Variants in KDM7A observed in about 807,000 individuals in gnomAD.
The protein encoded by KDM7A is lysine demethylase 7A.
Under a neutral mutation model 114.8 loss-of-function variants are expected in KDM7A, and 28 were observed. The observed-to-expected ratio is 0.24, with a 90% CI of 0.18 to 0.33. KDM7A has a LOEUF of 0.33. Among genes scored for constraint, KDM7A ranks in the 10% least tolerant of loss-of-function variants. The pLI, the probability that KDM7A is intolerant of heterozygous loss-of-function variation, is 1.00. For missense variants in KDM7A, 942 were observed against 1,142.5 expected, an observed-to-expected ratio of 0.82 and a Z score of 2.53; for synonymous variants, 423 against 397.8, an observed-to-expected ratio of 1.06 and a Z score of -0.75.
intron 1 of KDM7A, among the ~76,000 whole-genome samples, chr7:140,170,481 G>A (rs1794627040): frequency 6.6e-6 from 1 of 152,174 alleles, no homozygotes; most frequent in Admixed American, 6.5e-5. Context: ...TTGACAGCAT[G>A]AGCACCGGAG....
intron 10 of KDM7A, among the ~76,000 whole-genome samples, chr7:140,111,788 G>T (rs149865714): frequency 6.6e-6 from 1 of 151,710 alleles, no homozygotes; most frequent in Non-Finnish European, 1.5e-5. Flanking sequence ...GCAAAACCCC[G>T]TCTCTACTAA....
At position 140,088,236 on chromosome 7, in the gene KDM7A, C is replaced by T; in HGVS notation, c.*2858G>A. The T allele has an allele frequency of 3.0e-6, 1 of 331,068 alleles. No homozygotes were observed. Among genetic ancestry groups the T allele is most frequent in the Non-Finnish European group, 5.4e-6 (1 of 183,836 alleles). The allele number at this position is 331,068 out of a possible 1,614,324, so 20.5% of individuals were successfully genotyped here. A position where few individuals can be genotyped will look rare whatever the true frequency, so the allele number is the denominator to read the frequency against. ...GTATTTCTAGGATACTGAACTACTA[C>T]AAACTGCCAACTTTATATTGTTTAC... On this transcript the variant is annotated 3_prime_UTR_variant, in exon 20 of 20. Transcript: ENST00000397560.
rs1817937602 is a variant in KDM7A at position 140,086,933 on chromosome 7, G to T, written c.*4161C>A. ...TATTTAATGAGAAAAATGAATTTTT[G>T]ATAATTATGCCTAGCAGTAGCATAC... On this transcript the variant is annotated 3_prime_UTR_variant, in exon 20 of 20. Coordinates refer to ENST00000397560, the MANE Select transcript of KDM7A (RefSeq NM_030647.2). 6.6e-6 allele frequency: 1 copy of T among 152,102 alleles called. No homozygotes were observed. Among genetic ancestry groups the T allele is most frequent in the Admixed American group, 6.5e-5 (1 of 15,272 alleles). The allele number at this position is 152,102 out of a possible 1,614,324, so 9.4% of individuals were successfully genotyped here.
At chr7:140,155,790 C>A (rs1794451883) in intron 1 of KDM7A, among the ~76,000 whole-genome samples, 1 of 152,210 alleles carries the variant, frequency 6.6e-6, no homozygotes. Flanking sequence ...GATACTTAGT[C>A]AACAAAATTA....
At chr7:140,122,065 G>A (rs1818625028) in intron 7 of KDM7A, among the ~76,000 whole-genome samples, 1 of 152,100 alleles carries the variant, frequency 6.6e-6, no homozygotes, top group African/African-American at 2.4e-5. Flanking sequence ...TGGCCATGAC[G>A]TCCAGCAATC....
At chr7:140,170,095 G>A (rs1794621773) in intron 1 of KDM7A, among the ~76,000 whole-genome samples, 1 of 151,918 alleles carries the variant, frequency 6.6e-6, no homozygotes, top group African/African-American at 2.4e-5. Context: ...CAATCATGAA[G>A]GTGAAATGTA....
At chr7:140,146,697 T>C (rs1794343362) in intron 1 of KDM7A, among the ~76,000 whole-genome samples, 1 of 152,224 alleles carries the variant, frequency 6.6e-6, no homozygotes, top group African/African-American at 2.4e-5. Context: ...CTTTGCTGAA[T>C]AGCTTCCATC....
chr7:140,173,741 T>C (rs1257259162), intron 1 of KDM7A, among the ~76,000 whole-genome samples: 1 of 152,158 alleles, frequency 6.6e-6, no homozygotes, highest in Non-Finnish European at 1.5e-5. Flanking sequence ...ATGATATTTG[T>C]TTAATAGTTA....
intron 1 of KDM7A, among the ~76,000 whole-genome samples, chr7:140,148,540 T>C (rs929287278): frequency 6.6e-6 from 1 of 152,190 alleles, no homozygotes; most frequent in Non-Finnish European, 1.5e-5. Flanking sequence ...AAATCTTACG[T>C]TGCTAGCCAG....
intron 1 of KDM7A, among the ~76,000 whole-genome samples, chr7:140,163,593 T>C (rs1794543311): frequency 6.6e-6 from 1 of 152,084 alleles, no homozygotes; most frequent in Non-Finnish European, 1.5e-5. Flanking sequence ...TCTTACCAGA[T>C]TGTTTTTGTT....
intron 9 of KDM7A, 30 bp from the exon 10 acceptor site, chr7:140,113,612 A>G: frequency 8.5e-7 from 1 of 1,175,340 alleles, no homozygotes. Flanking sequence ...GTGAGAAAAA[A>G]AAATAGTTAA....
intron 1 of KDM7A, among the ~76,000 whole-genome samples, chr7:140,154,453 C>G (rs1190518021): frequency 6.7e-6 from 1 of 148,656 alleles, no homozygotes; most frequent in Non-Finnish European, 1.5e-5. Flanking sequence ...GACTGCACCG[C>G]TGCACTCCAG....
At chr7:140,100,710 AC>A (rs1818200052) in intron 12 of KDM7A, among the ~76,000 whole-genome samples, 1 of 34,406 alleles carries the variant, frequency 2.9e-5, no homozygotes, top group Admixed American at 3.1e-4. Flanking sequence ...ATATATATAC[AC>A]ATATATATAT....
chr7:140,122,143 C>T lies in KDM7A; in HGVS notation c.1052-1614G>A, dbSNP rs546218111. Among the ~76,000 whole-genome samples the T allele has an allele frequency of 9.2e-5, 14 of 152,274 alleles. No individual in the cohort carries two copies. In the South Asian group the frequency reaches 2.9e-3, roughly 32 times the overall value. ...AGTATCAGTACCTACACCAGTGCTA[C>T]TGATAGAATTTGTGTTGCCACTGAC... On this transcript the variant is annotated intron_variant, in intron 7 of 19. Transcript: ENST00000397560.
chr7:140,126,661 A>T lies in KDM7A; in HGVS notation c.864T>A (p.Thr288=). Reference sequence around the variant, plus strand: ...CCCAGAGGACATGGTACCAGACTGAAGTTCCACCGAAGTCAATGTGGAAAT... The same window carrying T: ...CCCAGAGGACATGGTACCAGACTGATGTTCCACCGAAGTCAATGTGGAAAT... ...YTDFHIDFGG[T]SVWYHVLWGE... The change falls in exon 6 of 20, where the codon ACT becomes ACA. Residue 288 remains threonine, a synonymous_variant. Coordinates refer to ENST00000397560, the MANE Select transcript of KDM7A (RefSeq NM_030647.2). 1 of 1,612,998 alleles carries T rather than the reference A, an allele frequency of 6.2e-7. No individual in the cohort carries two copies. The highest frequency in any genetic ancestry group is 1.1e-5 in the South Asian group (1 of 90,778).
At chr7:140,125,793 T>C (rs1389265647) in intron 6 of KDM7A, among the ~76,000 whole-genome samples, 3 of 152,126 alleles carry the variant, frequency 2.0e-5, no homozygotes, top group African/African-American at 7.2e-5. Flanking sequence ...TGGAGTGCAG[T>C]GGAGTGATCA....
In KDM7A at chr7:140,096,642, T is replaced by G. The variant is rs373718207; in HGVS notation, c.2287A>C (p.Arg763=). The G allele has an allele frequency of 2.4e-5, 39 of 1,614,078 alleles. No homozygotes were observed. The African/African-American group carries it at 4.5e-4, about 19-fold the overall frequency. ...QIQSTDCSGE[R]NSLQDPSSCH... Reference sequence around the variant, plus strand: ...CTGCTGGGATCCTGGAGAGAGTTTCTTTCACCACTGCAGTCTGTGCTTTGT... The same window carrying G: ...CTGCTGGGATCCTGGAGAGAGTTTCGTTCACCACTGCAGTCTGTGCTTTGT... Residue 763 remains arginine, a synonymous_variant, in exon 17 of 20, where the codon AGA becomes CGA. Coordinates refer to ENST00000397560, the MANE Select transcript of KDM7A (RefSeq NM_030647.2).
At chr7:140,131,866 C>A (rs993958453) in intron 3 of KDM7A, among the ~76,000 whole-genome samples, 1 of 152,078 alleles carries the variant, frequency 6.6e-6, no homozygotes. Context: ...GACGGTTAAG[C>A]AAATTATGGT....
In KDM7A at chr7:140,112,024, A is replaced by T. The variant is rs117247488; in HGVS notation, c.1339-840T>A. ...TCACACATCTAAAGCCTTCAGTAGG[A>T]AACAAATTATACAGTTTTGGCAACA... On this transcript the variant is annotated intron_variant, in intron 10 of 19. Coordinates refer to ENST00000397560, the MANE Select transcript of KDM7A (RefSeq NM_030647.2). Among the ~76,000 whole-genome samples, 663 of 151,974 alleles carry T rather than the reference A, an allele frequency of 4.4e-3. 2 individuals are homozygous for T. Among genetic ancestry groups the T allele is most frequent in the Non-Finnish European group, 7.2e-3 (489 of 67,994 alleles).
Sources: allele counts gnomAD v4.1 joint callset (sites outside exome capture counted in the v4.1 genomes callset), GRCh38; gene constraint gnomAD v4.1.1; transcripts MANE v1.5; gene names NCBI Gene and HGNC (gene_info 2026-07-23, HGNC 2026-07-21).